The following PPP6C variants were observed in gnomAD, a reference collection of about 807,000 sequenced individuals.
PPP6C encodes the protein serine/threonine-protein phosphatase 6 catalytic subunit.
A neutral mutation model predicts 39.8 loss-of-function variants in PPP6C; 11 were observed. The observed-to-expected ratio is 0.28, with a 90% CI of 0.17 to 0.46. The LOEUF (loss-of-function observed/expected upper bound fraction) is 0.46. Ranked by LOEUF, PPP6C falls within the 20% of genes least tolerant of loss-of-function variation. The probability of loss-of-function intolerance (pLI) is 1.00; values close to 1 mark genes in which losing one functional copy is unlikely to be tolerated. For synonymous variants in PPP6C, 129 were observed against 130.3 expected (o/e 0.99, Z 0.07); for missense variants, 211 against 373.9 (o/e 0.56, Z 3.59).
At position 125,150,955 on chromosome 9, in the gene PPP6C, G is replaced by A. The variant is rs186966820; in HGVS notation, c.670-1034C>T. ...GCCCAGCAGGATAATAAAGAGTCAG[G>A]TGACAATCTCAGCCAAGCTTGTTGC... On this transcript the variant is annotated intron_variant, in intron 6 of 6. Coordinates refer to ENST00000373547, the MANE Select transcript of PPP6C (RefSeq NM_002721.5). The A allele has an allele frequency of 3.2e-4, 395 of 1,232,716 alleles. No homozygotes were observed. The African/African-American group carries it at 5.4e-3, about 17-fold the overall frequency. 76.4% of individuals were successfully genotyped at this position (1,232,716 alleles called of 1,614,324 possible).
chr9:125,167,416 C>T (rs1480874051), intron 2 of PPP6C, among the ~76,000 whole-genome samples: 2 of 141,606 alleles, frequency 1.4e-5, no homozygotes, highest in African/African-American at 5.5e-5. Flanking sequence ...AAAAAAAGGC[C>T]GGGCATGGTG....
intron 6 of PPP6C, chr9:125,151,105 A>G (rs1190073858): frequency 1.5e-6 from 2 of 1,351,458 alleles, no homozygotes; most frequent in East Asian, 2.3e-5. Context: ...CCTGAAGTGG[A>G]TAAGGGAGAA....
At chr9:125,189,470 C>T in intron 1 of PPP6C, 174 bp downstream of exon 1, 1 of 1,440,068 alleles carries the variant, frequency 6.9e-7, no homozygotes, top group African/African-American at 1.5e-5. Context: ...CAGCATTCGA[C>T]GACTCGGCTC....
intron 2 of PPP6C, among the ~76,000 whole-genome samples, chr9:125,161,457 G>A (rs778346758): frequency 5.9e-5 from 9 of 151,680 alleles, no homozygotes; most frequent in Admixed American, 3.3e-4. Flanking sequence ...TTTGTTTTTT[G>A]TTTTAAGACA....
chr9:125,171,257 A>G, intron 1 of PPP6C, 77 bp from the exon 2 acceptor site: 1 of 1,178,740 alleles, frequency 8.5e-7, no homozygotes, highest in Non-Finnish European at 1.2e-6. Context: ...AAAGAAAAAT[A>G]CCAGGTCTAA....
intron 4 of PPP6C, among the ~76,000 whole-genome samples, chr9:125,154,858 T>C (rs748195568): frequency 3.9e-5 from 6 of 152,164 alleles, no homozygotes; most frequent in Non-Finnish European, 5.9e-5. Context: ...ATCAGGTTCT[T>C]ACAAATTCTC....
At chr9:125,162,059 T>C (rs1481321028) in intron 2 of PPP6C, among the ~76,000 whole-genome samples, 3 of 145,960 alleles carry the variant, frequency 2.1e-5, no homozygotes, top group African/African-American at 5.0e-5. Context: ...ACACCTTTTA[T>C]AACAATGTTC....
chr9:125,189,710 C>A lies in PPP6C; in HGVS notation c.9G>T (p.Pro3=). ...TTTCCACATACTTGTCCAGGTCTAG[C>A]GGCGCCATTTTAAGAATAACAAGCC... is the stretch of plus-strand genomic sequence containing the variant. MA[P]LDLDKYVEIA... The change falls in exon 1 of 7, where the codon CCG becomes CCT. Residue 3 remains proline, a synonymous_variant. Coordinates refer to ENST00000373547, the MANE Select transcript of PPP6C (RefSeq NM_002721.5). The A allele has an allele frequency of 1.3e-6, 2 of 1,588,300 alleles. No individual in the cohort carries two copies. The highest frequency in any genetic ancestry group is 2.3e-5 in the South Asian group (2 of 88,172).
At chr9:125,176,006 A>T (rs1011453158) in intron 1 of PPP6C, among the ~76,000 whole-genome samples, 1 of 152,166 alleles carries the variant, frequency 6.6e-6, no homozygotes, top group Non-Finnish European at 1.5e-5. Flanking sequence ...TAGAAGAGGG[A>T]TGGGGTGCTG....
chr9:125,164,218 CTTTTTTTTTTTTT>C (rs10684647), intron 2 of PPP6C, among the ~76,000 whole-genome samples: 9 of 74,752 alleles, frequency 1.2e-4, no homozygotes, highest in South Asian at 9.9e-4. Context: ...CCCTCACTCT[CTTTTTTTTTTTTT>C]TTTTTTTTTT....
At chr9:125,186,853 TAAAAATTG>T (rs1162679110) in intron 1 of PPP6C, among the ~76,000 whole-genome samples, 2 of 150,258 alleles carry the variant, frequency 1.3e-5, no homozygotes, top group African/African-American at 4.9e-5. Context: ...TAAAATGGTC[TAAAAATTG>T]TACTTCCTTA....
intron 1 of PPP6C, among the ~76,000 whole-genome samples, chr9:125,176,414 G>A (rs1444868824): frequency 6.6e-6 from 1 of 152,180 alleles, no homozygotes; most frequent in Admixed American, 6.6e-5. Context: ...CCAGCACTTT[G>A]GGAGGCCGAG....
At chr9:125,170,181 T>C (rs1829114483) in intron 2 of PPP6C, among the ~76,000 whole-genome samples, 1 of 152,122 alleles carries the variant, frequency 6.6e-6, no homozygotes, top group Admixed American at 6.5e-5. Flanking sequence ...TACATGAGAC[T>C]AAACACTGAC....
rs1259306955 is a variant in PPP6C, at chr9:125,158,225, A to C, written c.379+16T>G. 6.3e-7 allele frequency: 1 copy of C among 1,585,336 alleles called. No homozygotes were observed. Among genetic ancestry groups the C allele is most frequent in the African/African-American group, 1.3e-5 (1 of 74,158 alleles). ...AGTAAAATAATATTCAGAATCAGAGAAATAGGAATTCTTACCATAAAATCC... is the reference window on the plus strand; with the variant it reads ...AGTAAAATAATATTCAGAATCAGAGCAATAGGAATTCTTACCATAAAATCC... On this transcript the variant is annotated intron_variant, in intron 4 of 6. Transcript: ENST00000373547.
At chr9:125,158,437 C>T (rs1467513723) in intron 3 of PPP6C, 55 bp from the exon 4 acceptor site, 13 of 1,510,428 alleles carry the variant, frequency 8.6e-6, no homozygotes, top group Middle Eastern at 2.0e-4. Flanking sequence ...ATATTCTTTT[C>T]AAATTATATC....
intron 1 of PPP6C, among the ~76,000 whole-genome samples, chr9:125,172,212 C>T (rs923745873): frequency 3.9e-5 from 6 of 152,050 alleles, no homozygotes; most frequent in African/African-American, 9.7e-5. Context: ...ATTTATATAA[C>T]CTTCTTTTTT....
At chr9:125,153,090 C>T (rs1313933808) in intron 6 of PPP6C, among the ~76,000 whole-genome samples, 2 of 151,416 alleles carry the variant, frequency 1.3e-5, no homozygotes, top group Non-Finnish European at 2.9e-5. Context: ...CTAGCCAACA[C>T]GGTGAAATCC....
At chr9:125,181,894 G>C (rs1399425732) in intron 1 of PPP6C, among the ~76,000 whole-genome samples, 3 of 152,154 alleles carry the variant, frequency 2.0e-5, no homozygotes, top group Non-Finnish European at 4.4e-5. Flanking sequence ...TTCCACAACA[G>C]TTGAACTAAT....
intron 1 of PPP6C, among the ~76,000 whole-genome samples, chr9:125,173,935 A>G (rs540466347): frequency 3.3e-5 from 5 of 152,322 alleles, no homozygotes; most frequent in African/African-American, 1.2e-4. Flanking sequence ...TTTTTGTTAA[A>G]GGAACTCTAA....
Sources: gnomAD v4.1 joint callset for allele counts (sites outside exome capture counted in the v4.1 genomes callset) on GRCh38, gnomAD v4.1.1 for gene constraint, MANE v1.5 for transcripts, NCBI Gene and HGNC (gene_info 2026-07-23, HGNC 2026-07-21) for gene names.